Variants in PDE5A observed in about 807,000 individuals in gnomAD.
PDE5A encodes the protein cGMP-specific 3',5'-cyclic phosphodiesterase.
A neutral mutation model predicts 110.2 loss-of-function variants in PDE5A; 67 were observed. The observed-to-expected ratio is 0.61, with a 90% CI of 0.50 to 0.75. The LOEUF (loss-of-function observed/expected upper bound fraction) is 0.75. Ranked by LOEUF, PDE5A falls within the 30% of genes least tolerant of loss-of-function variation. The pLI, the probability that PDE5A is intolerant of heterozygous loss-of-function variation, is 0.00. For missense variants in PDE5A, 862 were observed against 1,045.1 expected, an observed-to-expected ratio of 0.82 and a Z score of 2.42; for synonymous variants, 328 against 351.2, an observed-to-expected ratio of 0.93 and a Z score of 0.74.
At chr4:119,551,118 AT>A (rs1727339371) in intron 9 of PDE5A, among the ~76,000 whole-genome samples, 2 of 152,180 alleles carry the variant, frequency 1.3e-5, no homozygotes, top group Admixed American at 1.3e-4. Context: ...TAGGCACTAG[AT>A]TAGCATACTG....
chr4:119,625,883 A>G (rs1249505155), intron 1 of PDE5A, among the ~76,000 whole-genome samples: 2 of 152,206 alleles, frequency 1.3e-5, no homozygotes, highest in African/African-American at 2.4e-5. Context: ...AATGCCACCA[A>G]ATATAAAACC....
chr4:119,535,067 C>T (rs866737806), intron 11 of PDE5A, among the ~76,000 whole-genome samples: 38 of 152,242 alleles, frequency 2.5e-4, no homozygotes, highest in Middle Eastern at 3.4e-3. Context: ...GGAAGGTTGC[C>T]GGGACTGACC....
At chr4:119,626,758 A>C (rs1730360541) in intron 1 of PDE5A, among the ~76,000 whole-genome samples, 1 of 152,198 alleles carries the variant, frequency 6.6e-6, no homozygotes. Context: ...CTGGGCGCTC[A>C]AGATTTAGGA....
intron 11 of PDE5A, among the ~76,000 whole-genome samples, chr4:119,529,772 C>T (rs775628235): frequency 1.3e-5 from 2 of 152,118 alleles, no homozygotes; most frequent in Non-Finnish European, 2.9e-5. Context: ...TGCAGTTGAA[C>T]CCTGTTGATG....
chr4:119,540,114 A>G (rs1307814679), intron 10 of PDE5A, among the ~76,000 whole-genome samples: 1 of 152,128 alleles, frequency 6.6e-6, no homozygotes, highest in Non-Finnish European at 1.5e-5. Flanking sequence ...TCATGCTTTG[A>G]AAGCATATTT....
At chr4:119,565,617 A>C (rs921486723) in intron 4 of PDE5A, among the ~76,000 whole-genome samples, 1 of 152,104 alleles carries the variant, frequency 6.6e-6, no homozygotes, top group East Asian at 1.9e-4. Flanking sequence ...ATCAATAAGG[A>C]GAAAAAGGAG....
intron 3 of PDE5A, among the ~76,000 whole-genome samples, chr4:119,592,938 G>A (rs1318624679): frequency 3.3e-5 from 5 of 152,092 alleles, no homozygotes; most frequent in African/African-American, 1.2e-4. Flanking sequence ...GGCTATTTGG[G>A]GATCTGTGGC....
intron 18 of PDE5A, among the ~76,000 whole-genome samples, chr4:119,503,689 G>A (rs1462757212): frequency 6.6e-6 from 1 of 152,088 alleles, no homozygotes; most frequent in African/African-American, 2.4e-5. Context: ...TGTCATGTCA[G>A]TACTCAAAAT....
chr4:119,559,479 T>C (rs1727666815), intron 7 of PDE5A, among the ~76,000 whole-genome samples: 1 of 152,146 alleles, frequency 6.6e-6, no homozygotes, highest in Non-Finnish European at 1.5e-5. Flanking sequence ...TAAACAGAGA[T>C]GCCTATATTT....
chr4:119,582,273 C>A (rs1365378581), intron 3 of PDE5A, among the ~76,000 whole-genome samples: 1 of 152,212 alleles, frequency 6.6e-6, no homozygotes, highest in South Asian at 2.1e-4. Flanking sequence ...GAGTCCATCT[C>A]AAGAAACCAC....
At chr4:119,507,146 ATTC>A (rs1381746538) in intron 16 of PDE5A, among the ~76,000 whole-genome samples, 24 of 151,972 alleles carry the variant, frequency 1.6e-4, no homozygotes, top group African/African-American at 4.8e-5. Context: ...CTACATAAAT[ATTC>A]TTCTCCTGCC....
chr4:119,552,052 A>T (rs1727374402), intron 9 of PDE5A: 1 of 152,216 alleles, frequency 6.6e-6, no homozygotes, highest in Non-Finnish European at 1.5e-5. Flanking sequence ...TTCTTCCATC[A>T]TTCCTGAAGT....
chr4:119,517,357 G>A (rs1305936593), intron 14 of PDE5A, among the ~76,000 whole-genome samples: 2 of 151,786 alleles, frequency 1.3e-5, no homozygotes, highest in Non-Finnish European at 2.9e-5. Flanking sequence ...TGGGTCTCCT[G>A]GCTAAGAAAA....
chr4:119,622,300 A>G (rs1341023937), intron 1 of PDE5A, among the ~76,000 whole-genome samples: 1 of 152,120 alleles, frequency 6.6e-6, no homozygotes, highest in Non-Finnish European at 1.5e-5. Context: ...CTCTTTGTAT[A>G]TTTTCAGTAT....
intron 20 of PDE5A, chr4:119,500,049 G>A (rs1560591179): frequency 1.3e-5 from 2 of 152,006 alleles, no homozygotes; most frequent in African/African-American, 4.8e-5. Flanking sequence ...TACAGGGATG[G>A]AGAAAACTCA....
intron 11 of PDE5A, among the ~76,000 whole-genome samples, chr4:119,531,819 G>T (rs1047992008): frequency 6.6e-6 from 1 of 152,036 alleles, no homozygotes; most frequent in Non-Finnish European, 1.5e-5. Context: ...ATTTTGCAGA[G>T]AAAGAAACTG....
chr4:119,507,825 C>T, intron 15 of PDE5A, 121 bp from the exon 16 acceptor site: 1 of 648,180 alleles, frequency 1.5e-6, no homozygotes, highest in Non-Finnish European at 2.6e-6. Flanking sequence ...GTGGAGGACA[C>T]ACTTAAATAC....
intron 10 of PDE5A, among the ~76,000 whole-genome samples, chr4:119,541,327 A>C (rs1356718273): frequency 6.6e-6 from 1 of 151,432 alleles, no homozygotes; most frequent in Non-Finnish European, 1.5e-5. Flanking sequence ...TATAATAAAC[A>C]CATATATAGA....
At chr4:119,524,633 G>A (rs1401006608) in intron 12 of PDE5A, among the ~76,000 whole-genome samples, 2 of 152,152 alleles carry the variant, frequency 1.3e-5, no homozygotes, top group African/African-American at 4.8e-5. Flanking sequence ...TCGCTGAAAT[G>A]TGCCCCTGGC....
Sources: allele counts gnomAD v4.1 joint callset (sites outside exome capture counted in the v4.1 genomes callset), GRCh38; gene constraint gnomAD v4.1.1; transcripts MANE v1.5; gene names NCBI Gene and HGNC (gene_info 2026-07-23, HGNC 2026-07-21).